Variants in CEP70 observed in about 807,000 individuals in gnomAD.
The protein encoded by CEP70 is centrosomal protein of 70 kDa.
Under a neutral mutation model 90.9 loss-of-function variants are expected in CEP70, and 70 were observed. The ratio of observed to expected loss-of-function variants is 0.77; its 90% confidence interval spans 0.64 to 0.94. CEP70 has a LOEUF of 0.94. Among genes scored for constraint, CEP70 ranks in the 40% least tolerant of loss-of-function variants. CEP70 has a pLI of 0.00. For synonymous variants in CEP70, 220 were observed against 228.3 expected (o/e 0.96, Z 0.33); for missense variants, 648 against 669.0 (o/e 0.97, Z 0.35).
chr3:138,501,730 G>A (rs2034526135), intron 13 of CEP70, among the ~76,000 whole-genome samples: 1 of 152,154 alleles, frequency 6.6e-6, no homozygotes, highest in South Asian at 2.1e-4. Context: ...TGTGCACAAT[G>A]GGCAAGGCTA....
At chr3:138,540,184 C>G (rs1339962001) in intron 6 of CEP70, among the ~76,000 whole-genome samples, 2 of 151,960 alleles carry the variant, frequency 1.3e-5, no homozygotes, top group African/African-American at 4.8e-5. Flanking sequence ...ATACATGCAG[C>G]CAACAAGCAT....
At chr3:138,556,869 C>T (rs547086105) in intron 6 of CEP70, among the ~76,000 whole-genome samples, 21 of 152,170 alleles carry the variant, frequency 1.4e-4, no homozygotes, top group Admixed American at 5.2e-4. Context: ...CAGACCGGGG[C>T]GAAATTAAAA....
At chr3:138,500,706 T>C in intron 14 of CEP70, 29 bp downstream of exon 14, 1 of 1,551,920 alleles carries the variant, frequency 6.4e-7, no homozygotes, top group East Asian at 2.3e-5. Context: ...TAAGAAACAT[T>C]AGAAGGTGAC....
intron 1 of CEP70, among the ~76,000 whole-genome samples, 180 bp from the exon 2 acceptor site, chr3:138,592,136 C>A (rs951132603): frequency 6.6e-6 from 1 of 152,214 alleles, no homozygotes; most frequent in Non-Finnish European, 1.5e-5. Context: ...CTTCCCTTCT[C>A]TTCTCTCTCC....
At chr3:138,498,936 C>A (rs1369914011) in intron 16 of CEP70, among the ~76,000 whole-genome samples, 2 of 151,830 alleles carry the variant, frequency 1.3e-5, no homozygotes, top group African/African-American at 4.8e-5. Context: ...ACCCCAGCCA[C>A]TCAGGAGGCT....
intron 11 of CEP70, among the ~76,000 whole-genome samples, chr3:138,516,385 T>G (rs79939865): frequency 9.9e-5 from 15 of 151,064 alleles, no homozygotes; most frequent in East Asian, 3.9e-4. Flanking sequence ...ATCTTTTTTT[T>G]GGGGGGACGG....
chr3:138,515,273 AT>A (rs1324661582), intron 11 of CEP70, among the ~76,000 whole-genome samples: 7 of 151,960 alleles, frequency 4.6e-5, no homozygotes, highest in African/African-American at 4.8e-5. Context: ...TAAAATATAT[AT>A]TTTTTTGATT....
intron 11 of CEP70, among the ~76,000 whole-genome samples, chr3:138,514,055 C>T (rs1043134694): frequency 6.6e-6 from 1 of 151,890 alleles, no homozygotes; most frequent in Non-Finnish European, 1.5e-5. Context: ...AAATCTGTAA[C>T]TACAAATCCT....
chr3:138,555,356 C>T (rs1048152583), intron 6 of CEP70, among the ~76,000 whole-genome samples: 2 of 151,738 alleles, frequency 1.3e-5, no homozygotes, highest in African/African-American at 4.8e-5. Flanking sequence ...CCCTTCTAGA[C>T]ATTGGATTAG....
At chr3:138,524,028 C>T (rs56039642) in intron 11 of CEP70, among the ~76,000 whole-genome samples, 12,332 of 64,300 alleles carry the variant, frequency 0.19, 2,008 homozygotes, top group African/African-American at 0.38. Context: ...AAAACAGATA[C>T]ATAGAACAAT....
intron 8 of CEP70, 21 bp downstream of exon 8, chr3:138,532,491 CTG>C: frequency 6.7e-7 from 1 of 1,481,520 alleles, no homozygotes; most frequent in East Asian, 2.6e-5. Context: ...CCTTTAAAAA[CTG>C]TAATACAGGA....
chr3:138,556,562 G>T (rs982527632), intron 6 of CEP70, among the ~76,000 whole-genome samples: 3 of 147,154 alleles, frequency 2.0e-5, no homozygotes, highest in African/African-American at 7.4e-5. Flanking sequence ...GAATTATCAA[G>T]GAACCTGCCC....
intron 6 of CEP70, among the ~76,000 whole-genome samples, chr3:138,546,112 G>A (rs950077691): frequency 2.6e-5 from 4 of 152,006 alleles, no homozygotes; most frequent in Non-Finnish European, 5.9e-5. Context: ...CTGGTTTTGC[G>A]GCTCAGGACA....
At chr3:138,587,571 C>T (rs370690697) in intron 2 of CEP70, among the ~76,000 whole-genome samples, 22 of 148,606 alleles carry the variant, frequency 1.5e-4, no homozygotes, top group African/African-American at 5.3e-4. Flanking sequence ...CAGCTTGAGG[C>T]CCAGGAATTC....
intron 11 of CEP70, among the ~76,000 whole-genome samples, chr3:138,520,424 T>C (rs915899554): frequency 8.5e-5 from 13 of 152,168 alleles, no homozygotes; most frequent in Non-Finnish European, 1.3e-4. Context: ...ATCGACCACA[T>C]AGTTGGAAGT....
Position 138,498,060 on chromosome 3 carries a change from G to C in CEP70, c.1703C>G (p.Ala568Gly). ...EHEEFFPAFQ[A>G]FTNDLLEILE... ...GATTTCAAGTAGATCATTAGTAAATGCCTGAAATGCTGGGAAAAATTCCTC... is the reference window on the plus strand; with the variant it reads ...GATTTCAAGTAGATCATTAGTAAATCCCTGAAATGCTGGGAAAAATTCCTC... The change falls in exon 17 of 18, where the codon GCA (alanine) becomes GGA (glycine). Residue 568 changes from alanine (A) to glycine (G), a missense_variant. Ala to Gly is a moderately conservative substitution (Grantham distance 60). Coordinates refer to ENST00000264982, the MANE Select transcript of CEP70 (RefSeq NM_024491.4). The C allele has an allele frequency of 6.2e-7, 1 of 1,613,010 alleles. No individual in the cohort carries two copies. The highest frequency in any genetic ancestry group is 1.1e-5 in the South Asian group (1 of 90,928).
intron 2 of CEP70, among the ~76,000 whole-genome samples, chr3:138,578,142 T>C (rs965081914): frequency 1.3e-5 from 2 of 152,206 alleles, no homozygotes; most frequent in Non-Finnish European, 2.9e-5. Context: ...GCCCTCCTTA[T>C]CTGCAGGTTT....
At chr3:138,552,221 A>G (rs570107438) in intron 6 of CEP70, among the ~76,000 whole-genome samples, 35 of 152,200 alleles carry the variant, frequency 2.3e-4, no homozygotes, top group Non-Finnish European at 4.7e-4. Flanking sequence ...CAACACAATA[A>G]TAGTGGGGGA....
At chr3:138,572,974 A>T (rs2041280733) in intron 2 of CEP70, 42 bp from the exon 3 acceptor site, 4 of 1,398,540 alleles carry the variant, frequency 2.9e-6, no homozygotes, top group Middle Eastern at 1.8e-4. Flanking sequence ...CAATTAAAAA[A>T]TTTGAGTTGC....
Sources: gnomAD v4.1 joint callset for allele counts (sites outside exome capture counted in the v4.1 genomes callset) on GRCh38, gnomAD v4.1.1 for gene constraint, MANE v1.5 for transcripts, NCBI Gene and HGNC (gene_info 2026-07-23, HGNC 2026-07-21) for gene names.